The following PSEN1 variants were observed in gnomAD, a reference collection of about 807,000 sequenced individuals.
The protein encoded by PSEN1 is presenilin 1.
In PSEN1, 15 loss-of-function variants were observed where a neutral mutation model predicts 53.5. The observed-to-expected ratio is 0.28, with a 90% confidence interval of 0.19 to 0.43. The LOEUF (loss-of-function observed/expected upper bound fraction) is 0.43. Among genes scored for constraint, PSEN1 ranks in the 20% least tolerant of loss-of-function variants. The pLI is 1.00. For synonymous variants in PSEN1, 208 were observed against 209.8 expected (o/e 0.99, Z 0.08); for missense variants, 387 against 571.2 (o/e 0.68, Z 3.29).
intron 3 of PSEN1, among the ~76,000 whole-genome samples, chr14:73,153,964 T>C (rs1170163088): frequency 3.3e-5 from 5 of 152,094 alleles, no homozygotes; most frequent in African/African-American, 1.2e-4. Flanking sequence ...TCTGACCACC[T>C]AGGCCTCTCA....
At chr14:73,184,950 C>T (rs1898433663) in intron 5 of PSEN1, among the ~76,000 whole-genome samples, 3 of 148,984 alleles carry the variant, frequency 2.0e-5, no homozygotes, top group African/African-American at 7.4e-5. Context: ...GGCAGAGGTG[C>T]TCCTCACATC....
intron 10 of PSEN1, among the ~76,000 whole-genome samples, chr14:73,212,477 A>C (rs983562450): frequency 3.9e-5 from 6 of 152,080 alleles, no homozygotes; most frequent in Non-Finnish European, 2.9e-5. Flanking sequence ...AAAGTAAAAG[A>C]TTTGTTTTTT....
chr14:73,217,544 C>T (rs1234256012), intron 11 of PSEN1, among the ~76,000 whole-genome samples: 2 of 152,122 alleles, frequency 1.3e-5, no homozygotes, highest in African/African-American at 4.8e-5. Context: ...CTGCCTCAAG[C>T]CTAGCAGCAC....
At chr14:73,210,167 T>C (rs949313285) in intron 9 of PSEN1, among the ~76,000 whole-genome samples, 2 of 152,202 alleles carry the variant, frequency 1.3e-5, no homozygotes, top group Non-Finnish European at 2.9e-5. Flanking sequence ...CCTGATGTGG[T>C]TGAGCTCTGT....
chr14:73,156,603 A>G (rs897714865), intron 3 of PSEN1, among the ~76,000 whole-genome samples: 27 of 152,004 alleles, frequency 1.8e-4, no homozygotes, highest in African/African-American at 6.0e-4. Flanking sequence ...TAAATTGCAC[A>G]TGGGCTTCAT....
At chr14:73,217,305 TC>T in intron 11 of PSEN1, 61 bp downstream of exon 11, 1 of 1,593,046 alleles carries the variant, frequency 6.3e-7, no homozygotes, top group Non-Finnish European at 8.6e-7. Flanking sequence ...GATTACACAG[TC>T]CCTTTAAGGC....
intron 6 of PSEN1, among the ~76,000 whole-genome samples, chr14:73,192,106 G>A (rs1195763282): frequency 6.6e-6 from 1 of 151,678 alleles, no homozygotes; most frequent in Non-Finnish European, 1.5e-5. Flanking sequence ...AGTTCAGCTT[G>A]GGAAAAAAAA....
intron 6 of PSEN1, among the ~76,000 whole-genome samples, chr14:73,192,120 G>A (rs974039527): frequency 2.0e-5 from 3 of 151,974 alleles, no homozygotes; most frequent in African/African-American, 4.8e-5. Flanking sequence ...AAAAAAAAGT[G>A]AATTGTTCAA....
At chr14:73,197,935 T>A in intron 7 of PSEN1, 96 bp from the exon 8 acceptor site, 1 of 700,118 alleles carries the variant, frequency 1.4e-6, no homozygotes, top group Non-Finnish European at 2.5e-6. Context: ...ACAAAAAACA[T>A]TAAACTTTTT....
At chr14:73,197,047 C>T (rs984731404) in intron 7 of PSEN1, among the ~76,000 whole-genome samples, 4 of 151,882 alleles carry the variant, frequency 2.6e-5, no homozygotes, top group African/African-American at 9.7e-5. Context: ...GTTCTCCTGC[C>T]TCAGCCTCCC....
intron 5 of PSEN1, among the ~76,000 whole-genome samples, chr14:73,184,927 G>A (rs1595021783): frequency 6.6e-6 from 1 of 150,796 alleles, no homozygotes; most frequent in African/African-American, 2.4e-5. Context: ...CCTCCCAGAC[G>A]GGGTCGCGGC....
intron 5 of PSEN1, among the ~76,000 whole-genome samples, chr14:73,182,126 TTTC>T (rs1218939421): frequency 6.6e-6 from 1 of 152,148 alleles, no homozygotes; most frequent in Non-Finnish European, 1.5e-5. Context: ...TTAGAATAGT[TTTC>T]TTCTTTTAGT....
chr14:73,145,278 T>G lies in PSEN1; in HGVS notation c.-135-2517T>G, dbSNP rs541855799. On this transcript the variant is annotated intron_variant, in intron 1 of 11. Transcript: ENST00000324501. ...CTGTCTTGTTTACTTGCTTTGCTTCTGAGGGATTATATGAGAGTTCTATGG... is the reference window on the plus strand; with the variant it reads ...CTGTCTTGTTTACTTGCTTTGCTTCGGAGGGATTATATGAGAGTTCTATGG... Among the ~76,000 whole-genome samples the G allele has an allele frequency of 1.3e-4, 20 of 152,344 alleles. No homozygotes were observed. In the South Asian group the frequency reaches 4.1e-3, roughly 32 times the overall value.
Position 73,219,157 on chromosome 14 carries a change from C to G in PSEN1, c.1272C>G (p.Leu424=), listed in dbSNP as rs200547750. The change falls in exon 12 of 12, where the codon CTC becomes CTG. Residue 424 remains leucine, a synonymous_variant. Transcript: ENST00000324501. ...ILIGLCLTLL[L]LAIFKKALPA... ...AGGGTTTGTGCCTTACATTATTACT[C>G]CTTGCCATTTTCAAGAAAGCATTGC... 7.4e-6 allele frequency: 12 copies of G among 1,613,960 alleles called. No homozygotes were observed. The highest frequency in any genetic ancestry group is 1.0e-5 in the Non-Finnish European group (12 of 1,179,930).
chr14:73,188,148 C>T (rs980083402), intron 6 of PSEN1, among the ~76,000 whole-genome samples: 1 of 152,032 alleles, frequency 6.6e-6, no homozygotes, highest in Admixed American at 6.6e-5. Flanking sequence ...AGGATGGTCT[C>T]GATCTCCTGA....
intron 8 of PSEN1, 108 bp from the exon 9 acceptor site, chr14:73,206,278 G>A: frequency 1.3e-6 from 1 of 791,668 alleles, no homozygotes; most frequent in Non-Finnish European, 2.3e-6. Flanking sequence ...ACAGTCTTAA[G>A]GCAGCATTAG....
intron 9 of PSEN1, 42 bp downstream of exon 9, chr14:73,206,514 C>A: frequency 2.9e-6 from 4 of 1,367,808 alleles, no homozygotes; most frequent in South Asian, 2.4e-5. Context: ...TTTTCAGGGT[C>A]ACTGTTATAA....
At chr14:73,188,081 A>T (rs1898580439) in intron 6 of PSEN1, among the ~76,000 whole-genome samples, 1 of 152,036 alleles carries the variant, frequency 6.6e-6, no homozygotes, top group Non-Finnish European at 1.5e-5. Flanking sequence ...GGTGCGCACC[A>T]CCATGCCCAG....
At chr14:73,144,618 AGTG>A (rs1302819283) in intron 1 of PSEN1, among the ~76,000 whole-genome samples, 2 of 152,216 alleles carry the variant, frequency 1.3e-5, no homozygotes, top group Non-Finnish European at 2.9e-5. Context: ...ACCTTAAGCA[AGTG>A]AACTTCTGTG....
Sources: allele counts gnomAD v4.1 joint callset (sites outside exome capture counted in the v4.1 genomes callset), GRCh38; gene constraint gnomAD v4.1.1; transcripts MANE v1.5; gene names NCBI Gene and HGNC (gene_info 2026-07-23, HGNC 2026-07-21).